The following MAP3K20 variants were observed in gnomAD, a reference collection of about 807,000 sequenced individuals.
MAP3K20 encodes mitogen-activated protein kinase kinase kinase 20.
Under a neutral mutation model 85.7 loss-of-function variants are expected in MAP3K20, and 40 were observed. The observed-to-expected ratio is 0.47, with a 90% CI of 0.36 to 0.61. The LOEUF is 0.61. Among genes scored for constraint, MAP3K20 ranks in the 20% least tolerant of loss-of-function variants. MAP3K20 has a pLI of 0.00. For missense variants in MAP3K20, 817 were observed against 961.7 expected (o/e 0.85, Z 1.99); for synonymous variants, 325 against 327.7 (o/e 0.99, Z 0.09).
chr2:173,153,922 T>C (rs1689378372), intron 2 of MAP3K20, among the ~76,000 whole-genome samples: 1 of 152,202 alleles, frequency 6.6e-6, no homozygotes, highest in Non-Finnish European at 1.5e-5. Flanking sequence ...TTTTCCAATA[T>C]TTTAGGTCTG....
chr2:173,114,914 A>G (rs1419123373), intron 2 of MAP3K20, among the ~76,000 whole-genome samples: 1 of 152,218 alleles, frequency 6.6e-6, no homozygotes, highest in African/African-American at 2.4e-5. Context: ...TGAATTTCCC[A>G]GATGTTCTTT....
intron 2 of MAP3K20, among the ~76,000 whole-genome samples, chr2:173,134,409 TA>T (rs1559245955): frequency 4.3e-3 from 42 of 9,728 alleles, no homozygotes; most frequent in South Asian, 0.014. Context: ...TATATATATA[TA>T]TATATATATA....
Position 173,076,118 on chromosome 2 carries a change from G to A in MAP3K20, c.-35+116G>A, listed in dbSNP as rs1213745399. 1.9e-5 allele frequency: 15 copies of A among 806,558 alleles called. No individual in the cohort carries two copies. In the African/African-American group the frequency reaches 2.4e-4, roughly 13 times the overall value. 50.0% of individuals were successfully genotyped at this position (806,558 alleles called of 1,614,324 possible). A position where few individuals can be genotyped will look rare whatever the true frequency, so the allele number is the denominator to read the frequency against. ...GCTCCGCCGGAGCCCGGGAGTCTAG[G>A]CGGCCTCGGGAGGCTCCTCGGGGCT... is the stretch of plus-strand genomic sequence containing the variant. On this transcript the variant is annotated intron_variant, in intron 1 of 19. Transcript: ENST00000375213.
intron 2 of MAP3K20, among the ~76,000 whole-genome samples, chr2:173,147,880 C>T (rs1054111017): frequency 2.6e-5 from 4 of 152,028 alleles, no homozygotes; most frequent in Non-Finnish European, 2.9e-5. Context: ...CCACCGTGCC[C>T]GGCCACTCCA....
intron 2 of MAP3K20, among the ~76,000 whole-genome samples, chr2:173,108,896 A>T (rs968292298): frequency 1.3e-4 from 20 of 152,324 alleles, no homozygotes; most frequent in African/African-American, 4.6e-4. Flanking sequence ...AAAGGCATGG[A>T]ATCTTACTTG....
intron 3 of MAP3K20, among the ~76,000 whole-genome samples, chr2:173,174,793 A>C (rs879908801): frequency 1.3e-5 from 2 of 152,192 alleles, no homozygotes; most frequent in Non-Finnish European, 2.9e-5. Flanking sequence ...TAAAGTTAAC[A>C]TGGTTTTCGG....
intron 2 of MAP3K20, among the ~76,000 whole-genome samples, chr2:173,159,720 G>C (rs1027513780): frequency 6.6e-6 from 1 of 152,162 alleles, no homozygotes; most frequent in African/African-American, 2.4e-5. Flanking sequence ...TGACATTCTG[G>C]TGTGAACACC....
intron 11 of MAP3K20, chr2:173,222,852 C>A: frequency 1.0e-6 from 1 of 985,342 alleles, no homozygotes; most frequent in Non-Finnish European, 1.2e-6. Context: ...AATGTTATCA[C>A]CTGTTTGTCA....
chr2:173,227,286 A>T (rs1210999211), intron 11 of MAP3K20: 1 of 370,128 alleles, frequency 2.7e-6, no homozygotes, highest in Non-Finnish European at 3.7e-6. Context: ...TAAATAATAA[A>T]TTTGTAAAGT....
At chr2:173,130,039 G>T (rs924016709) in intron 2 of MAP3K20, among the ~76,000 whole-genome samples, 7 of 152,168 alleles carry the variant, frequency 4.6e-5, no homozygotes, top group African/African-American at 1.4e-4. Context: ...TATTTCCAAA[G>T]TGCAGAATTG....
chr2:173,193,807 G>A (rs1690736759), intron 7 of MAP3K20, among the ~76,000 whole-genome samples: 1 of 152,118 alleles, frequency 6.6e-6, no homozygotes, highest in Non-Finnish European at 1.5e-5. Flanking sequence ...GTCTCTTTGT[G>A]GATTAGCTTT....
chr2:173,225,539 A>G, intron 11 of MAP3K20: 1 of 939,376 alleles, frequency 1.1e-6, no homozygotes, highest in Non-Finnish European at 1.3e-6. Flanking sequence ...GGTTGCAGTG[A>G]GCTGAGATTG....
At chr2:173,246,484 C>T (rs1684917021) in intron 16 of MAP3K20, among the ~76,000 whole-genome samples, 1 of 152,084 alleles carries the variant, frequency 6.6e-6, no homozygotes, top group African/African-American at 2.4e-5. Flanking sequence ...TATTCGGCTG[C>T]CTAGATTTTA....
chr2:173,204,912 G>GCTA (rs1341565397), intron 9 of MAP3K20, among the ~76,000 whole-genome samples: 1 of 151,946 alleles, frequency 6.6e-6, no homozygotes, highest in Admixed American at 6.6e-5. Flanking sequence ...GACCATCCTG[G>GCTA]CTAACACAGT....
intron 7 of MAP3K20, among the ~76,000 whole-genome samples, chr2:173,191,614 CT>C (rs1468219264): frequency 6.6e-6 from 1 of 152,182 alleles, no homozygotes; most frequent in African/African-American, 2.4e-5. Context: ...TACCAGGAAA[CT>C]TTTGAGTCTC....
chr2:173,187,758 C>A, intron 5 of MAP3K20, 135 bp downstream of exon 5: 1 of 626,764 alleles, frequency 1.6e-6, no homozygotes, highest in Non-Finnish European at 2.6e-6. Flanking sequence ...GGAAGCCTTT[C>A]TACTGTCAAT....
chr2:173,130,978 C>T (rs1250451197), intron 2 of MAP3K20, among the ~76,000 whole-genome samples: 1 of 152,190 alleles, frequency 6.6e-6, no homozygotes, highest in East Asian at 1.9e-4. Flanking sequence ...ACTTGTCTAT[C>T]AGCCCCTTTG....
chr2:173,155,937 A>G (rs1297731641), intron 2 of MAP3K20, among the ~76,000 whole-genome samples: 2 of 152,318 alleles, frequency 1.3e-5, no homozygotes, highest in South Asian at 2.1e-4. Flanking sequence ...TTAAAACTAC[A>G]TTTCCCAGCC....
At chr2:173,203,649 T>C in intron 8 of MAP3K20, 147 bp from the exon 9 acceptor site, 1 of 635,116 alleles carries the variant, frequency 1.6e-6, no homozygotes, top group Non-Finnish European at 2.8e-6. Context: ...AAATTGTCAC[T>C]TGTCACATAT....
Sources: gnomAD v4.1 joint callset for allele counts (sites outside exome capture counted in the v4.1 genomes callset) on GRCh38, gnomAD v4.1.1 for gene constraint, MANE v1.5 for transcripts, NCBI Gene and HGNC (gene_info 2026-07-23, HGNC 2026-07-21) for gene names.